The following CNBD1 variants were observed in gnomAD, a reference collection of about 807,000 sequenced individuals.
CNBD1 encodes cyclic nucleotide binding domain containing 1.
In CNBD1, 71 loss-of-function variants were observed where a neutral mutation model predicts 54.4. The ratio of observed to expected loss-of-function variants is 1.30; its 90% CI spans 1.08 to 1.59. The LOEUF is 1.59. Among genes scored for constraint, CNBD1 ranks in the 40% most tolerant of loss-of-function variants. The pLI, the probability that CNBD1 is intolerant of heterozygous loss-of-function variation, is 0.00. For synonymous variants in CNBD1, 182 were observed against 170.7 expected, an observed-to-expected ratio of 1.07 and a Z score of -0.51; for missense variants, 659 against 518.0, an observed-to-expected ratio of 1.27 and a Z score of -2.64.
At chr8:87,426,023 C>T (rs1045711211) in intron 2 of CNBD1, among the ~76,000 whole-genome samples, 4 of 152,182 alleles carry the variant, frequency 2.6e-5, no homozygotes, top group African/African-American at 9.6e-5. Context: ...TCTCGTGGTG[C>T]ACCGTTTTTT....
chr8:86,999,580 T>C (rs560703175), intron 4 of CNBD1, among the ~76,000 whole-genome samples: 1 of 152,238 alleles, frequency 6.6e-6, no homozygotes, highest in South Asian at 2.1e-4. Context: ...AGGGCAGTAC[T>C]TCCCAAAGTA....
chr8:87,427,426 A>C (rs1808069188), intron 2 of CNBD1, among the ~76,000 whole-genome samples: 1 of 152,148 alleles, frequency 6.6e-6, no homozygotes, highest in Non-Finnish European at 1.5e-5. Context: ...TAATAGGTTT[A>C]CCGATATGTA....
intron 4 of CNBD1, among the ~76,000 whole-genome samples, chr8:87,167,187 C>T (rs1427246811): frequency 6.6e-6 from 1 of 151,914 alleles, no homozygotes; most frequent in Non-Finnish European, 1.5e-5. Flanking sequence ...CACATTTATA[C>T]TTAAATAATT....
At chr8:87,110,033 T>C (rs1335294450) in intron 4 of CNBD1, among the ~76,000 whole-genome samples, 2 of 152,262 alleles carry the variant, frequency 1.3e-5, no homozygotes, top group Non-Finnish European at 2.9e-5. Flanking sequence ...CCACTGCCAG[T>C]GAGTCTGTGC....
chr8:87,412,759 T>G (rs1361623006), intron 2 of CNBD1, among the ~76,000 whole-genome samples: 1 of 152,048 alleles, frequency 6.6e-6, no homozygotes, highest in Non-Finnish European at 1.5e-5. Flanking sequence ...GAAGAAGATT[T>G]GAGGAACTTC....
At chr8:87,224,260 G>A (rs1353824783) in intron 5 of CNBD1, among the ~76,000 whole-genome samples, 4 of 149,858 alleles carry the variant, frequency 2.7e-5, no homozygotes, top group Non-Finnish European at 1.5e-5. Flanking sequence ...GATCCCATTT[G>A]TCAATTTTGT....
At chr8:87,389,863 G>A (rs1458433473) in intron 2 of CNBD1, among the ~76,000 whole-genome samples, 6 of 152,180 alleles carry the variant, frequency 3.9e-5, no homozygotes, top group African/African-American at 1.4e-4. Flanking sequence ...CAAGGCTACA[G>A]TAACCAAAAC....
intron 2 of CNBD1, among the ~76,000 whole-genome samples, chr8:87,412,070 G>GTATC (rs1807755893): frequency 6.6e-6 from 1 of 151,870 alleles, no homozygotes; most frequent in African/African-American, 2.4e-5. Flanking sequence ...GAATTACTTA[G>GTATC]TATCTCAGAT....
chr8:86,908,457 T>C (rs1446624568), intron 3 of CNBD1, among the ~76,000 whole-genome samples: 2 of 152,186 alleles, frequency 1.3e-5, no homozygotes, highest in Non-Finnish European at 2.9e-5. Context: ...AAGAAAGAAG[T>C]CTGTTAACTC....
At chr8:87,291,337 T>G (rs562556409) in intron 8 of CNBD1, among the ~76,000 whole-genome samples, 1 of 152,190 alleles carries the variant, frequency 6.6e-6, no homozygotes, top group Admixed American at 6.5e-5. Context: ...GTATATTTAC[T>G]ATTGTTAAGA....
intron 4 of CNBD1, among the ~76,000 whole-genome samples, chr8:87,011,240 A>G (rs779877516): frequency 5.3e-5 from 8 of 151,192 alleles, no homozygotes; most frequent in Non-Finnish European, 8.8e-5. Context: ...CTGTGCAACT[A>G]AAGAATTCTC....
At chr8:87,376,585 C>A (rs1334300204) in intron 10 of CNBD1, among the ~76,000 whole-genome samples, 4 of 151,912 alleles carry the variant, frequency 2.6e-5, no homozygotes, top group Non-Finnish European at 4.4e-5. Context: ...GCTTCGCACA[C>A]ATTTGGACAT....
At chr8:86,900,061 A>T (rs898192100) in intron 2 of CNBD1, among the ~76,000 whole-genome samples, 1 of 152,168 alleles carries the variant, frequency 6.6e-6, no homozygotes, top group Admixed American at 6.5e-5. Flanking sequence ...GTCACCTTTC[A>T]TAAGACCAAT....
intron 2 of CNBD1, among the ~76,000 whole-genome samples, chr8:87,411,399 TATATA>T (rs1563591901): frequency 0.013 from 1,631 of 127,580 alleles, 56 homozygotes; most frequent in African/African-American, 0.046. Context: ...AGCTATATCA[TATATA>T]TATATATATA....
intron 4 of CNBD1, among the ~76,000 whole-genome samples, chr8:87,149,109 G>A (rs996713763): frequency 2.6e-5 from 4 of 152,124 alleles, no homozygotes; most frequent in Middle Eastern, 3.2e-3. Context: ...GAAATCTAGA[G>A]GTTGAAATGT....
intron 2 of CNBD1, among the ~76,000 whole-genome samples, chr8:87,427,983 T>A (rs1034572202): frequency 2.6e-5 from 4 of 152,072 alleles, no homozygotes; most frequent in African/African-American, 9.7e-5. Context: ...TTGGTTTGGG[T>A]AGGGTAGCCT....
Position 86,939,718 on chromosome 8 carries a change from A to G in CNBD1, c.395A>G (p.Glu132Gly), listed in dbSNP as rs1406070488. ...TTATATAGACCAAAAAGAGCCACAG[A>G]GAAATTTGAAGAATTCCTAGCTATC... The part of the protein sequence containing the change: ...HILYRPKRAT[E>G]KFEEFLAILK... Residue 132 changes from glutamate (E) to glycine (G), a missense_variant, in exon 4 of 11, where the codon GAG (glutamate) becomes GGG (glycine). Transcript: ENST00000518476. 6.3e-7 allele frequency: 1 copy of G among 1,581,092 alleles called. No homozygotes were observed. Among genetic ancestry groups the G allele is most frequent in the East Asian group, 2.3e-5 (1 of 44,100 alleles).
In CNBD1 at chr8:87,029,189, C is replaced by G. The variant is rs1338115892; in HGVS notation, c.431+89435C>G. Among the ~76,000 whole-genome samples, 6 of 152,250 alleles carry G rather than the reference C, an allele frequency of 3.9e-5. No homozygotes were observed. The East Asian group carries it at 1.2e-3, about 29-fold the overall frequency. Reference sequence around the variant, plus strand: ...TTTCTACTCCAATTCCTCAATCTCCCTCATTTTTACTCTCCATTTGAAATC... The same window carrying G: ...TTTCTACTCCAATTCCTCAATCTCCGTCATTTTTACTCTCCATTTGAAATC... On this transcript the variant is annotated intron_variant, in intron 4 of 10. Transcript: ENST00000518476.
chr8:86,925,095 G>C (rs971017678), intron 3 of CNBD1, among the ~76,000 whole-genome samples: 1 of 152,048 alleles, frequency 6.6e-6, no homozygotes, highest in African/African-American at 2.4e-5. Flanking sequence ...TTTCAATATT[G>C]ACTGTCAAGA....
Sources: gnomAD v4.1 joint callset for allele counts (sites outside exome capture counted in the v4.1 genomes callset) on GRCh38, gnomAD v4.1.1 for gene constraint, MANE v1.5 for transcripts, NCBI Gene and HGNC (gene_info 2026-07-23, HGNC 2026-07-21) for gene names.